The following LINGO2 variants were observed in gnomAD, a reference collection of about 807,000 sequenced individuals.
The protein encoded by LINGO2 is leucine rich repeat and Ig domain containing 2.
In LINGO2, 14 loss-of-function variants were observed where a neutral mutation model predicts 30.6. The ratio of observed to expected loss-of-function variants is 0.46; its 90% CI spans 0.30 to 0.72. The LOEUF (loss-of-function observed/expected upper bound fraction) is 0.72, where lower values mean the gene tolerates loss of function less well. Ranked by LOEUF, LINGO2 falls within the 30% of genes least tolerant of loss-of-function variation. The pLI is 0.07. For missense variants in LINGO2, 729 were observed against 751.7 expected, an observed-to-expected ratio of 0.97 and a Z score of 0.35; for synonymous variants, 317 against 288.5, an observed-to-expected ratio of 1.10 and a Z score of -1.00.
chr9:28,050,148 T>A lies in LINGO2; in HGVS notation c.-86-37743A>T, dbSNP rs1463099757. Among the ~76,000 whole-genome samples, 6 of 150,472 alleles carry A rather than the reference T, an allele frequency of 4.0e-5. 1 individual carries two copies. The highest frequency in any genetic ancestry group is 1.5e-4 in the African/African-American group (6 of 40,644). ...AGTATAACTAGCTCTCTAGTGTGGG[T>A]GGCTGAGTGAAGCAACTAAAATTCT... On this transcript the variant is annotated intron_variant, in intron 4 of 5. Coordinates refer to ENST00000379992, the Ensembl canonical transcript of LINGO2.
the LINGO2 span, among the ~76,000 whole-genome samples, chr9:29,059,417 AAAT>A: frequency 1.1e-4 from 16 of 148,638 alleles, no homozygotes; most frequent in Admixed American, 5.4e-4. Flanking sequence ...TAAAATTAAA[AAAT>A]AAATAAATAA....
At chr9:28,041,288 C>T (rs142258081) in intron 4 of LINGO2, among the ~76,000 whole-genome samples, 100 of 152,246 alleles carry the variant, frequency 6.6e-4, no homozygotes, top group African/African-American at 1.8e-3. Flanking sequence ...TCCAGATCAA[C>T]GTAACTTAGT....
chr9:28,216,076 A>AGCTGGAAAATGTGATAGCAAAT (rs1820757737), intron 4 of LINGO2, among the ~76,000 whole-genome samples: 1 of 151,898 alleles, frequency 6.6e-6, no homozygotes, highest in Non-Finnish European at 1.5e-5. Flanking sequence ...GGGAGAACTA[A>AGCTGGAAAATGTGATAGCAAAT]GCTGGAAAAT....
chr9:28,411,633 A>G (rs1289511257), intron 2 of LINGO2, among the ~76,000 whole-genome samples: 1 of 152,092 alleles, frequency 6.6e-6, no homozygotes, highest in Non-Finnish European at 1.5e-5. Flanking sequence ...TATCCATCAT[A>G]TGTAGATGCC....
intron 5 of LINGO2, among the ~76,000 whole-genome samples, chr9:27,979,074 C>A (rs1467816984): frequency 6.6e-6 from 1 of 151,970 alleles, no homozygotes; most frequent in African/African-American, 2.4e-5. Context: ...CCTTTCTAAA[C>A]CCCATATACT....
chr9:28,104,258 T>TG (rs1490249836), intron 4 of LINGO2, among the ~76,000 whole-genome samples: 1 of 132,012 alleles, frequency 7.6e-6, no homozygotes, highest in African/African-American at 2.8e-5. Context: ...AGTACAAGTT[T>TG]TTTGTTTGTT....
the LINGO2 span, among the ~76,000 whole-genome samples, chr9:28,773,629 A>C: frequency 6.6e-6 from 1 of 152,140 alleles, no homozygotes; most frequent in African/African-American, 2.4e-5. Context: ...TCTATTATTC[A>C]TGCTGCTTGT....
chr9:29,108,790 G>A, the LINGO2 span, among the ~76,000 whole-genome samples: 1 of 152,106 alleles, frequency 6.6e-6, no homozygotes, highest in African/African-American at 2.4e-5. Context: ...TACTGAAGTG[G>A]GCACCAACAC....
chr9:28,526,051 G>A lies in LINGO2; in HGVS notation c.-364-50026C>T, dbSNP rs558441223. On this transcript the variant is annotated intron_variant, in intron 1 of 5. Transcript: ENST00000379992. ...AGCCTGGGTGACAGAGCGAGACTCC[G>A]TCTCAAAAAAAAAAAAAAAAAAAAA... 5.6e-3 allele frequency among the ~76,000 whole-genome samples: 133 copies of A among 23,770 alleles called. 2 individuals are homozygous for A. Among genetic ancestry groups the A allele is most frequent in the Non-Finnish European group, 7.0e-3 (108 of 15,358 alleles). The allele number at this position is 23,770 out of a possible 152,430, so 15.6% of individuals were successfully genotyped here.
chr9:28,963,694 A>C, the LINGO2 span, among the ~76,000 whole-genome samples: 2 of 151,890 alleles, frequency 1.3e-5, no homozygotes, highest in Non-Finnish European at 2.9e-5. Flanking sequence ...GACAAATACC[A>C]TATATTCTTA....
Position 28,122,738 on chromosome 9 carries a change from C to A in LINGO2, c.-86-110333G>T, listed in dbSNP as rs557787356. 2.0e-5 allele frequency among the ~76,000 whole-genome samples: 3 copies of A among 152,268 alleles called. No homozygotes were observed. In the South Asian group the frequency reaches 6.2e-4, roughly 32 times the overall value. On this transcript the variant is annotated intron_variant, in intron 4 of 5. Transcript: ENST00000379992. ...TTCCATTTCCAAGCCACTATCACAG[C>A]ATCAAAAGAACCACAAGTTATGTTT...
At chr9:28,181,642 A>G (rs1257115917) in intron 4 of LINGO2, among the ~76,000 whole-genome samples, 2 of 152,200 alleles carry the variant, frequency 1.3e-5, no homozygotes, top group Non-Finnish European at 2.9e-5. Context: ...AATTGACAGC[A>G]AAGACCCTGC....
In LINGO2 at chr9:28,341,323, A is replaced by C. The variant is rs186102698; in HGVS notation, c.-246+31513T>G. Reference sequence around the variant, plus strand: ...AACAGAAAGAGATGTTTTTCCACCTACTGTGTTACCAGTCATTTTGGTCAT... The same window carrying C: ...AACAGAAAGAGATGTTTTTCCACCTCCTGTGTTACCAGTCATTTTGGTCAT... On this transcript the variant is annotated intron_variant, in intron 3 of 5. Coordinates refer to ENST00000379992, the Ensembl canonical transcript of LINGO2. 4.9e-3 allele frequency among the ~76,000 whole-genome samples: 752 copies of C among 152,260 alleles called. 4 individuals are homozygous for C. The highest frequency in any genetic ancestry group is 8.8e-3 in the Non-Finnish European group (596 of 67,970).
intron 1 of LINGO2, among the ~76,000 whole-genome samples, chr9:28,597,287 A>G (rs1011234038): frequency 3.9e-5 from 6 of 152,202 alleles, no homozygotes; most frequent in Admixed American, 1.3e-4. Flanking sequence ...GCAGTTTGCA[A>G]GTCCTCAAAA....
chr9:28,565,448 G>A (rs1433165157), intron 1 of LINGO2, among the ~76,000 whole-genome samples: 1 of 151,502 alleles, frequency 6.6e-6, no homozygotes, highest in South Asian at 2.1e-4. Flanking sequence ...GCCTCCCAAA[G>A]TGCTGGGATT....
At chr9:29,154,393 T>C in the LINGO2 span, among the ~76,000 whole-genome samples, 8 of 132,230 alleles carry the variant, frequency 6.1e-5, no homozygotes, top group Admixed American at 9.2e-5. Context: ...GAGCTTGCAG[T>C]GGGCGGAGAT....
chr9:28,763,505 C>T, the LINGO2 span, among the ~76,000 whole-genome samples: 405 of 151,804 alleles, frequency 2.7e-3, 4 homozygotes, highest in African/African-American at 9.4e-3. Flanking sequence ...CATTCATGTA[C>T]AACTAATCAA....
chr9:28,123,268 A>T lies in LINGO2; in HGVS notation c.-86-110863T>A, dbSNP rs528638043. ...AATCATAGTCAGGTTTCAAAAAGGA[A>T]ATCTAATTAATAAAATATGAAGAAA... On this transcript the variant is annotated intron_variant, in intron 4 of 5. Transcript: ENST00000379992. Among the ~76,000 whole-genome samples the T allele has an allele frequency of 9.2e-5, 14 of 152,342 alleles. No homozygotes were observed. In the South Asian group the frequency reaches 2.9e-3, roughly 32 times the overall value.
chr9:28,243,092 A>G (rs1347611302), intron 4 of LINGO2, among the ~76,000 whole-genome samples: 1 of 152,194 alleles, frequency 6.6e-6, no homozygotes, highest in Non-Finnish European at 1.5e-5. Flanking sequence ...AGCTAGCATC[A>G]TGATAACAGA....
Sources: allele counts gnomAD v4.1 joint callset (sites outside exome capture counted in the v4.1 genomes callset), GRCh38; gene constraint gnomAD v4.1.1; transcripts MANE v1.5; gene names NCBI Gene and HGNC (gene_info 2026-07-23, HGNC 2026-07-21).